The following EIF4G3 variants were observed in gnomAD, a reference collection of about 807,000 sequenced individuals.
EIF4G3 encodes eIF-4-gamma 3.
In EIF4G3, 34 loss-of-function variants were observed where a neutral mutation model predicts 186.4. The observed-to-expected ratio is 0.18, with a 90% confidence interval of 0.14 to 0.24. EIF4G3 has a LOEUF of 0.24. Among genes scored for constraint, EIF4G3 ranks in the 10% least tolerant of loss-of-function variants. The pLI, the probability that EIF4G3 is intolerant of heterozygous loss-of-function variation, is 1.00. For synonymous variants in EIF4G3, 673 were observed against 679.5 expected (o/e 0.99, Z 0.15); for missense variants, 1,536 against 1,948.5 (o/e 0.79, Z 3.99).
At chr1:21,011,053 A>T (rs1161653758) in intron 4 of EIF4G3, among the ~76,000 whole-genome samples, 1 of 152,212 alleles carries the variant, frequency 6.6e-6, no homozygotes, top group African/African-American at 2.4e-5. Context: ...ATGATAGAAA[A>T]GCAAGGTGGA....
At chr1:20,834,329 T>A (rs2154548506) in intron 30 of EIF4G3, among the ~76,000 whole-genome samples, 1 of 152,228 alleles carries the variant, frequency 6.6e-6, no homozygotes, top group Admixed American at 6.5e-5. Context: ...TGCATGGCTG[T>A]GGTCCCAACT....
chr1:21,110,631 A>G, intron 2 of EIF4G3, among the ~76,000 whole-genome samples: 1 of 151,892 alleles, frequency 6.6e-6, no homozygotes, highest in Non-Finnish European at 1.5e-5. Flanking sequence ...GAGTTTCACC[A>G]TATTGGTCAG....
intron 14 of EIF4G3, among the ~76,000 whole-genome samples, chr1:20,915,418 AC>A (rs1376398744): frequency 6.6e-6 from 1 of 152,078 alleles, no homozygotes; most frequent in Non-Finnish European, 1.5e-5. Context: ...CCAGAAAACT[AC>A]AGGCGAACAT....
At chr1:20,988,246 T>C (rs1245710855) in intron 7 of EIF4G3, 1 of 170,194 alleles carries the variant, frequency 5.9e-6, no homozygotes, top group Non-Finnish European at 1.5e-5. Flanking sequence ...TGCTTCAAGT[T>C]ATCCAGAAGA....
intron 19 of EIF4G3, among the ~76,000 whole-genome samples, chr1:20,882,572 G>C (rs1225818780): frequency 1.3e-5 from 2 of 150,900 alleles, no homozygotes; most frequent in Non-Finnish European, 2.9e-5. Context: ...AGTGAGCTGA[G>C]ATCGCGTCAC....
chr1:21,036,708 C>T (rs912123319), intron 4 of EIF4G3, among the ~76,000 whole-genome samples: 21 of 151,904 alleles, frequency 1.4e-4, no homozygotes, highest in African/African-American at 5.1e-4. Context: ...GGCAAAACCC[C>T]GTCTCTACAA....
chr1:20,929,096 A>G (rs2095142367), intron 14 of EIF4G3, among the ~76,000 whole-genome samples: 1 of 152,182 alleles, frequency 6.6e-6, no homozygotes, highest in Non-Finnish European at 1.5e-5. Context: ...TGGTATGTAT[A>G]TATCACATTT....
chr1:21,173,275 C>CA (rs2098026842), intron 2 of EIF4G3, among the ~76,000 whole-genome samples: 1 of 150,584 alleles, frequency 6.6e-6, no homozygotes, highest in African/African-American at 2.4e-5. Context: ...CGGCTCATTG[C>CA]AACTTCTGCC....
At chr1:20,994,205 T>C (rs1401971026) in intron 7 of EIF4G3, among the ~76,000 whole-genome samples, 3 of 152,208 alleles carry the variant, frequency 2.0e-5, no homozygotes, top group Non-Finnish European at 4.4e-5. Flanking sequence ...CAAATGCCAA[T>C]ACCTATCCCA....
chr1:21,121,529 C>T (rs2096924327), intron 2 of EIF4G3, among the ~76,000 whole-genome samples: 1 of 152,134 alleles, frequency 6.6e-6, no homozygotes, highest in South Asian at 2.1e-4. Flanking sequence ...AATCCCAGCA[C>T]TTTGGGAGGC....
intron 11 of EIF4G3, 84 bp downstream of exon 11, chr1:20,972,918 A>C: frequency 9.3e-7 from 1 of 1,075,802 alleles, no homozygotes; most frequent in Non-Finnish European, 1.3e-6. Flanking sequence ...TTGTGAATTG[A>C]GATGAATAAT....
chr1:20,831,021 A>T (rs1393459997), intron 30 of EIF4G3, among the ~76,000 whole-genome samples: 1 of 152,236 alleles, frequency 6.6e-6, no homozygotes, highest in Non-Finnish European at 1.5e-5. Flanking sequence ...AAGCTGAAAA[A>T]ATGAAACAGA....
chr1:20,881,417 T>G (rs185308182), intron 19 of EIF4G3, among the ~76,000 whole-genome samples: 16 of 152,268 alleles, frequency 1.1e-4, no homozygotes, highest in African/African-American at 3.9e-4. Flanking sequence ...TTTTCTTGGG[T>G]TTACGCAAGT....
chr1:20,916,740 G>A (rs1210321021), intron 14 of EIF4G3, among the ~76,000 whole-genome samples: 1 of 152,070 alleles, frequency 6.6e-6, no homozygotes, highest in Admixed American at 6.6e-5. Flanking sequence ...CGACCGTGTG[G>A]TATGAGCAAC....
chr1:20,956,617 C>CAAAAAAAAAAAAAAAAA (rs61623629), intron 12 of EIF4G3, among the ~76,000 whole-genome samples: 1 of 114,574 alleles, frequency 8.7e-6, no homozygotes, highest in Non-Finnish European at 1.7e-5. Context: ...GTATAATTTA[C>CAAAAAAAAAAAAAAAAA]AAAAAAAAAA....
intron 20 of EIF4G3, among the ~76,000 whole-genome samples, chr1:20,866,352 C>T (rs548087299): frequency 1.4e-4 from 21 of 152,244 alleles, no homozygotes; most frequent in East Asian, 1.9e-4. Context: ...GTATTCCCTA[C>T]GATGTATGAA....
chr1:21,076,366 T>C (rs2095587606), intron 3 of EIF4G3, among the ~76,000 whole-genome samples: 1 of 151,962 alleles, frequency 6.6e-6, no homozygotes, highest in African/African-American at 2.4e-5. Context: ...AACGAAAGTT[T>C]ATTGCAATAA....
intron 4 of EIF4G3, among the ~76,000 whole-genome samples, chr1:21,045,273 C>T (rs879541906): frequency 6.6e-6 from 1 of 152,182 alleles, no homozygotes; most frequent in African/African-American, 2.4e-5. Flanking sequence ...GACCATTCAT[C>T]ATTTGAAACT....
At chr1:21,142,240 C>T (rs893312736) in intron 2 of EIF4G3, among the ~76,000 whole-genome samples, 2 of 151,786 alleles carry the variant, frequency 1.3e-5, no homozygotes, top group African/African-American at 2.4e-5. Context: ...TGGCTCATGC[C>T]TGTAATCCCA....
Sources: allele counts gnomAD v4.1 joint callset (sites outside exome capture counted in the v4.1 genomes callset), GRCh38; gene constraint gnomAD v4.1.1; transcripts MANE v1.5; gene names NCBI Gene and HGNC (gene_info 2026-07-23, HGNC 2026-07-21).